CFHR4: variants seen among roughly 807,000 people sequenced by gnomAD.
CFHR4 encodes the protein complement factor H-related protein 4.
In CFHR4, 64 loss-of-function variants were observed where a neutral mutation model predicts 69.3. The ratio of observed to expected loss-of-function variants is 0.92; its 90% CI spans 0.76 to 1.14. The LOEUF (loss-of-function observed/expected upper bound fraction) is 1.14, where lower values mean the gene tolerates loss of function less well. Among genes scored for constraint, CFHR4 ranks in the 50% most tolerant of loss-of-function variants. The pLI is 0.00. For missense variants in CFHR4, 636 were observed against 684.9 expected, an observed-to-expected ratio of 0.93 and a Z score of 0.80; for synonymous variants, 244 against 237.0, an observed-to-expected ratio of 1.03 and a Z score of -0.27.
In CFHR4 at chr1:196,910,482, A is replaced by G; in HGVS notation, c.997+4A>G. 6.2e-7 allele frequency: 1 copy of G among 1,607,418 alleles called. No individual in the cohort carries two copies. On this transcript the variant is annotated splice_donor_region_variant and intron_variant, in intron 6 of 9. Coordinates refer to ENST00000608469, the MANE Select transcript of CFHR4 (RefSeq NM_001201550.3). Reference sequence around the variant, plus strand: ...TTGCCAACAGTCCCATGCCTCAGTAAGCAAACCTCTTTACAACAATATGTG... The same window carrying G: ...TTGCCAACAGTCCCATGCCTCAGTAGGCAAACCTCTTTACAACAATATGTG...
intron 7 of CFHR4, among the ~76,000 whole-genome samples, chr1:196,913,796 G>C (rs72736410): frequency 0.045 from 6,770 of 151,308 alleles, 297 homozygotes; most frequent in Non-Finnish European, 0.071. Flanking sequence ...AATACAACAT[G>C]GATGACTCTC....
chr1:196,912,380 C>A (rs572436433), intron 6 of CFHR4, among the ~76,000 whole-genome samples: 10 of 151,482 alleles, frequency 6.6e-5, no homozygotes, highest in Non-Finnish European at 1.0e-4. Flanking sequence ...AGGTTTAAGA[C>A]CCCTTAATAG....
chr1:196,914,600 T>A lies in CFHR4; in HGVS notation c.1286T>A (p.Ile429Asn), dbSNP rs575526842. The A allele has an allele frequency of 3.7e-6, 6 of 1,611,922 alleles. No homozygotes were observed. The highest frequency in any genetic ancestry group is 2.2e-5 in the East Asian group (1 of 44,760). ...TACGAATGCTACGATGGATATGAAA[T>A]CAGTTATGGAAACACCACAGGTTCC... ...LDYECYDGYE[I>N]SYGNTTGSIV... The change falls in exon 8 of 10, where the codon ATC becomes AAC. Residue 429 changes from isoleucine (I) to asparagine (N), a missense_variant. By Grantham distance (149) the Ile-to-Asn change is moderately radical. Transcript: ENST00000608469.
chr1:196,903,472 G>A (rs1657733745), intron 2 of CFHR4, among the ~76,000 whole-genome samples: 1 of 150,840 alleles, frequency 6.6e-6, no homozygotes. Context: ...GGTCAACATG[G>A]TGAAACCCTG....
chr1:196,907,192 T>C, intron 4 of CFHR4, 124 bp from the exon 5 acceptor site: 8 of 1,218,776 alleles, frequency 6.6e-6, no homozygotes, highest in Non-Finnish European at 8.1e-6. Flanking sequence ...AAAAAAAGGT[T>C]GAAAATACAA....
intron 5 of CFHR4, 26 bp from the exon 6 acceptor site, chr1:196,910,255 A>T (rs749214375): frequency 7.2e-6 from 10 of 1,385,870 alleles, no homozygotes; most frequent in African/African-American, 1.5e-5. Context: ...AACATTATTT[A>T]TACTATTTTT....
chr1:196,910,007 A>G (rs957185180), intron 5 of CFHR4, among the ~76,000 whole-genome samples: 1 of 150,558 alleles, frequency 6.6e-6, no homozygotes, highest in Admixed American at 6.6e-5. Context: ...CAAAAATTAG[A>G]TGGGCGTGGT....
rs766719213 is a variant in CFHR4, at chr1:196,905,297, T to G, written c.439+7T>G. ...ACACAACCAATTTGCATTAGTAAGT[T>G]ATTTACATATTCCCACTCAGTTTCT... On this transcript the variant is annotated splice_region_variant and intron_variant, in intron 3 of 9. Coordinates refer to ENST00000608469, the MANE Select transcript of CFHR4 (RefSeq NM_001201550.3). 17 of 1,610,606 alleles carry G rather than the reference T, an allele frequency of 1.1e-5. No individual in the cohort carries two copies. The highest frequency in any genetic ancestry group is 1.4e-5 in the Non-Finnish European group (16 of 1,178,346).
Position 196,916,701 on chromosome 1 carries a change from T to C in CFHR4, c.1541-1509T>C, listed in dbSNP as rs190485380. On this transcript the variant is annotated intron_variant, in intron 9 of 9. Transcript: ENST00000608469. ...TTAGGTTTCAGAGATAAATTCTGAGTCTCAAATTTGATTGAATGGGGAGAT... is the reference window on the plus strand; with the variant it reads ...TTAGGTTTCAGAGATAAATTCTGAGCCTCAAATTTGATTGAATGGGGAGAT... Among the ~76,000 whole-genome samples the C allele has an allele frequency of 1.5e-4, 22 of 151,722 alleles. 2 individuals are homozygous for C. Among genetic ancestry groups the C allele is most frequent in the African/African-American group, 4.4e-4 (18 of 41,228 alleles).
intron 6 of CFHR4, 100 bp downstream of exon 6, chr1:196,910,578 T>TA (rs1302304880): frequency 3.0e-6 from 3 of 987,738 alleles, no homozygotes; most frequent in Admixed American, 2.3e-5. Flanking sequence ...ACAGAGATGG[T>TA]ACCAAAGGAA....
At chr1:196,900,364 T>G (rs1361866525) in intron 1 of CFHR4, among the ~76,000 whole-genome samples, 1 of 145,474 alleles carries the variant, frequency 6.9e-6, no homozygotes, top group Non-Finnish European at 1.5e-5. Flanking sequence ...ATGAGAAAGA[T>G]AAAAATGGTT....
intron 2 of CFHR4, among the ~76,000 whole-genome samples, chr1:196,903,792 T>C (rs989865796): frequency 6.6e-6 from 1 of 151,486 alleles, no homozygotes; most frequent in Non-Finnish European, 1.5e-5. Flanking sequence ...TGCATTGATT[T>C]AAGTAGATTA....
chr1:196,908,527 C>T lies in CFHR4; in HGVS notation c.799+1029C>T, dbSNP rs949953432. ...CACCTTCATCTCCTCTCCCCTCGTC[C>T]CAGAATGAAAATGAATACACTAAAA... On this transcript the variant is annotated intron_variant, in intron 5 of 9. Coordinates refer to ENST00000608469, the MANE Select transcript of CFHR4 (RefSeq NM_001201550.3). Among the ~76,000 whole-genome samples the T allele has an allele frequency of 5.9e-5, 9 of 151,274 alleles. 1 individual carries two copies. The highest frequency in any genetic ancestry group is 1.3e-4 in the Non-Finnish European group (9 of 67,928).
intron 5 of CFHR4, among the ~76,000 whole-genome samples, chr1:196,908,865 T>C (rs1658072436): frequency 6.6e-6 from 1 of 151,494 alleles, no homozygotes; most frequent in South Asian, 2.1e-4. Context: ...CTCATTTCTT[T>C]TATTTTGATG....
chr1:196,890,089 ATTAAC>A (rs1371362417), intron 1 of CFHR4, among the ~76,000 whole-genome samples: 3 of 151,526 alleles, frequency 2.0e-5, no homozygotes, highest in East Asian at 1.9e-4. Context: ...TTAAAAGAAT[ATTAAC>A]TTAAAATAAT....
At chr1:196,898,092 T>A (rs1657407645) in intron 1 of CFHR4, among the ~76,000 whole-genome samples, 1 of 151,282 alleles carries the variant, frequency 6.6e-6, no homozygotes, top group Admixed American at 6.6e-5. Context: ...TAATGGGTAG[T>A]GATTTCTACA....
At chr1:196,917,341 A>C (rs1406125399) in intron 9 of CFHR4, among the ~76,000 whole-genome samples, 1 of 151,944 alleles carries the variant, frequency 6.6e-6, no homozygotes, top group Non-Finnish European at 1.5e-5. Flanking sequence ...GTATGGGTTG[A>C]TAGGTACAGC....
chr1:196,899,367 C>A lies in CFHR4; in HGVS notation c.59-3051C>A, dbSNP rs905075173. The stretch of plus-strand genomic sequence containing the variant: ...TGGAGTGCAGCAGCGCAGTATACGT[C>A]GCTGCAATCTTGACCTCCTTGGCTC... On this transcript the variant is annotated intron_variant, in intron 1 of 9. Transcript: ENST00000608469. Among the ~76,000 whole-genome samples, 20 of 151,488 alleles carry A rather than the reference C, an allele frequency of 1.3e-4. 1 individual carries two copies. Among genetic ancestry groups the A allele is most frequent in the Admixed American group, 1.3e-3 (20 of 15,194 alleles).
chr1:196,893,970 G>A lies in CFHR4; in HGVS notation c.58+5762G>A, dbSNP rs1251985920. Among the ~76,000 whole-genome samples, 13 of 151,484 alleles carry A rather than the reference G, an allele frequency of 8.6e-5. 1 individual carries two copies. The highest frequency in any genetic ancestry group is 3.4e-3 in the Middle Eastern group (1 of 294). Reference sequence around the variant, plus strand: ...GCTTCCATGATAACTCTTAACAGCTGGGAAGATAACACAAAAATTTCTCCA... The same window carrying A: ...GCTTCCATGATAACTCTTAACAGCTAGGAAGATAACACAAAAATTTCTCCA... On this transcript the variant is annotated intron_variant, in intron 1 of 9. Transcript: ENST00000608469.
Sources: gnomAD v4.1 joint callset for allele counts (sites outside exome capture counted in the v4.1 genomes callset) on GRCh38, gnomAD v4.1.1 for gene constraint, MANE v1.5 for transcripts, NCBI Gene and HGNC (gene_info 2026-07-23, HGNC 2026-07-21) for gene names.